The following GPC5 variants were observed in gnomAD, a reference collection of about 807,000 sequenced individuals.
GPC5 encodes the protein glypican 5, also known as glypican-5.
A neutral mutation model predicts 53.9 loss-of-function variants in GPC5; 47 were observed. That is an observed-to-expected ratio of 0.87 (90% confidence interval 0.69 to 1.11). The LOEUF (loss-of-function observed/expected upper bound fraction) is 1.11, where lower values mean the gene tolerates loss of function less well. Ranked by LOEUF, GPC5 falls within the 50% of genes most tolerant of loss-of-function variation. The pLI, the probability that GPC5 is intolerant of heterozygous loss-of-function variation, is 0.00. For missense variants in GPC5, 748 were observed against 713.1 expected (o/e 1.05, Z -0.56); for synonymous variants, 286 against 263.3 (o/e 1.09, Z -0.84).
intron 6 of GPC5, among the ~76,000 whole-genome samples, chr13:92,073,638 C>T (rs1371161553): frequency 2.0e-5 from 3 of 152,194 alleles, no homozygotes; most frequent in Non-Finnish European, 4.4e-5. Flanking sequence ...ACGATGTCTA[C>T]CATCAATGGT....
At chr13:91,501,480 G>A (rs1884633536) in intron 2 of GPC5, among the ~76,000 whole-genome samples, 1 of 152,070 alleles carries the variant, frequency 6.6e-6, no homozygotes, top group African/African-American at 2.4e-5. Context: ...CCACCTGTGA[G>A]TGAAAACATG....
intron 7 of GPC5, among the ~76,000 whole-genome samples, chr13:92,152,738 CA>C (rs11285676): frequency 0.6 from 64,409 of 106,944 alleles, 16,068 homozygotes; most frequent in South Asian, 0.74. Context: ...GACTCCATCT[CA>C]AAAAAAAAAA....
intron 7 of GPC5, among the ~76,000 whole-genome samples, chr13:92,425,687 C>A (rs1876800030): frequency 6.6e-6 from 1 of 152,004 alleles, no homozygotes; most frequent in African/African-American, 2.4e-5. Flanking sequence ...AAGCAATATG[C>A]CTTTATTATT....
At chr13:92,684,335 A>G (rs112225607) in intron 7 of GPC5, among the ~76,000 whole-genome samples, 10,842 of 151,790 alleles carry the variant, frequency 0.071, 451 homozygotes, top group South Asian at 0.16. Context: ...CAGTGGCACG[A>G]TCTCAGCTCA....
rs1245496577 is a variant in GPC5, at chr13:92,725,066, C to T, written c.1562-141216C>T. On this transcript the variant is annotated intron_variant, in intron 7 of 7. Transcript: ENST00000377067. ...ACTTTGGATAGAGTTTCATAAAGGT[C>T]TTCCCCTTAATAAATTTAACCATGT... Among the ~76,000 whole-genome samples the T allele has an allele frequency of 2.6e-5, 4 of 151,568 alleles. No homozygotes were observed. The Admixed American group carries it at 2.6e-4, about 10-fold the overall frequency.
At chr13:92,480,546 G>A (rs755548772) in intron 7 of GPC5, among the ~76,000 whole-genome samples, 1 of 152,112 alleles carries the variant, frequency 6.6e-6, no homozygotes, top group Non-Finnish European at 1.5e-5. Context: ...ATAGATCCAT[G>A]GCAAGACACA....
At chr13:92,031,178 G>A (rs1313839444) in intron 6 of GPC5, among the ~76,000 whole-genome samples, 2 of 152,048 alleles carry the variant, frequency 1.3e-5, no homozygotes, top group East Asian at 1.9e-4. Flanking sequence ...CAGCCATTGC[G>A]CGATGTATTT....
chr13:92,535,437 G>C (rs1464694544), intron 7 of GPC5, among the ~76,000 whole-genome samples: 1 of 151,992 alleles, frequency 6.6e-6, no homozygotes, highest in Admixed American at 6.6e-5. Flanking sequence ...CCATCTCCCT[G>C]ACTGACTAAA....
intron 5 of GPC5, among the ~76,000 whole-genome samples, chr13:91,797,283 T>C (rs1005308048): frequency 6.6e-6 from 1 of 152,200 alleles, no homozygotes; most frequent in African/African-American, 2.4e-5. Context: ...TAGAATGTTG[T>C]GGCAAATACC....
At chr13:92,179,035 A>G (rs1340938907) in intron 7 of GPC5, among the ~76,000 whole-genome samples, 1 of 152,216 alleles carries the variant, frequency 6.6e-6, no homozygotes, top group Non-Finnish European at 1.5e-5. Flanking sequence ...CCTAACGTAG[A>G]CTATTAGGAT....
intron 5 of GPC5, among the ~76,000 whole-genome samples, chr13:91,798,388 G>A (rs2038081072): frequency 6.6e-6 from 1 of 152,114 alleles, no homozygotes; most frequent in Non-Finnish European, 1.5e-5. Context: ...TCCCCACCAT[G>A]TGTCCATGTG....
intron 7 of GPC5, among the ~76,000 whole-genome samples, chr13:92,374,955 C>G (rs1240946047): frequency 6.6e-6 from 1 of 151,360 alleles, no homozygotes; most frequent in Non-Finnish European, 1.5e-5. Context: ...TATGGGATGG[C>G]AGCCTTAAAT....
intron 3 of GPC5, among the ~76,000 whole-genome samples, chr13:91,704,676 A>G (rs939361368): frequency 6.6e-6 from 1 of 152,224 alleles, no homozygotes; most frequent in Non-Finnish European, 1.5e-5. Context: ...CAAGGAAAAC[A>G]GTGCCTCTCA....
intron 7 of GPC5, among the ~76,000 whole-genome samples, chr13:92,761,651 T>C (rs1042748471): frequency 3.9e-5 from 6 of 152,198 alleles, no homozygotes; most frequent in Non-Finnish European, 5.9e-5. Context: ...TACTCAGATC[T>C]TATTTTAGTA....
chr13:91,717,335 G>A lies in GPC5; in HGVS notation c.1021-11197G>A, dbSNP rs1442914775. On this transcript the variant is annotated intron_variant, in intron 3 of 7. Transcript: ENST00000377067. ...ATGGGAAGAACCACCAAAGGCTTTG[G>A]TTCAGAGCAGTTTGATCAGAACTGT... Among the ~76,000 whole-genome samples the A allele has an allele frequency of 4.6e-5, 7 of 152,188 alleles. No homozygotes were observed. The South Asian group carries it at 8.3e-4, about 18-fold the overall frequency.
chr13:92,534,880 A>G (rs1881673597), intron 7 of GPC5, among the ~76,000 whole-genome samples: 1 of 152,152 alleles, frequency 6.6e-6, no homozygotes, highest in African/African-American at 2.4e-5. Flanking sequence ...GGAAAGGAGA[A>G]ACAAACACAT....
intron 6 of GPC5, among the ~76,000 whole-genome samples, chr13:91,922,327 A>T (rs562149006): frequency 6.6e-6 from 1 of 152,220 alleles, no homozygotes; most frequent in African/African-American, 2.4e-5. Flanking sequence ...CTAAAGGCGA[A>T]CTTTGCATCA....
intron 6 of GPC5, among the ~76,000 whole-genome samples, chr13:92,101,911 C>T (rs923702400): frequency 1.3e-5 from 2 of 152,118 alleles, no homozygotes; most frequent in African/African-American, 4.8e-5. Flanking sequence ...GGCAAAATTC[C>T]AGTGCCAAAG....
At chr13:92,093,108 A>T (rs2041394077) in intron 6 of GPC5, among the ~76,000 whole-genome samples, 1 of 152,202 alleles carries the variant, frequency 6.6e-6, no homozygotes, top group Admixed American at 6.5e-5. Context: ...TTAGTTTTCC[A>T]TTGAAAATGT....
Sources: allele counts gnomAD v4.1 joint callset (sites outside exome capture counted in the v4.1 genomes callset), GRCh38; gene constraint gnomAD v4.1.1; transcripts MANE v1.5; gene names NCBI Gene and HGNC (gene_info 2026-07-23, HGNC 2026-07-21).